The following TAC1 variants were observed in gnomAD, a reference collection of about 807,000 sequenced individuals.
TAC1 encodes tachykinin precursor 1.
A neutral mutation model predicts 21.7 loss-of-function variants in TAC1; 12 were observed. The ratio of observed to expected loss-of-function variants is 0.55; its 90% CI spans 0.35 to 0.89. The LOEUF is 0.89. Among genes scored for constraint, TAC1 ranks in the 40% least tolerant of loss-of-function variants. The probability of loss-of-function intolerance (pLI) is 0.01; values close to 1 mark genes in which losing one functional copy is unlikely to be tolerated. For missense variants in TAC1, 128 were observed against 151.4 expected, an observed-to-expected ratio of 0.85 and a Z score of 0.81; for synonymous variants, 52 against 52.0, an observed-to-expected ratio of 1.00 and a Z score of 0.00.
rs1789600283 is a variant in TAC1 at position 97,737,412 on chromosome 7, G to C, written c.343+1060G>C. On this transcript the variant is annotated intron_variant, in intron 6 of 6. Transcript: ENST00000319273. The stretch of plus-strand genomic sequence containing the variant: ...ATAATTATCCTAGTGTTTTTTAATG[G>C]AGATTTTTTTCTTTATTGTGAAATG... 1.3e-5 allele frequency among the ~76,000 whole-genome samples: 2 copies of C among 151,632 alleles called. 1 individual carries two copies. Among genetic ancestry groups the C allele is most frequent in the Admixed American group, 1.3e-4 (2 of 15,216 alleles).
chr7:97,735,389 T>G (rs1043069009), intron 5 of TAC1, among the ~76,000 whole-genome samples: 2 of 152,166 alleles, frequency 1.3e-5, no homozygotes, highest in Non-Finnish European at 2.9e-5. Flanking sequence ...CCTAATTGAA[T>G]GGGAAAACTC....
At chr7:97,733,978 C>T (rs1278447272) in intron 3 of TAC1, 159 bp downstream of exon 3, 4 of 745,028 alleles carry the variant, frequency 5.4e-6, no homozygotes, top group Non-Finnish European at 8.8e-6. Context: ...CACTAAGGCA[C>T]GCACGGGCCC....
chr7:97,736,226 C>A, intron 5 of TAC1, 73 bp from the exon 6 acceptor site: 1 of 1,289,900 alleles, frequency 7.8e-7, no homozygotes, highest in Non-Finnish European at 1.1e-6. Flanking sequence ...CAGAAGCTTG[C>A]TTTGTTCTGG....
chr7:97,733,435 G>A (rs1278398350), intron 2 of TAC1, among the ~76,000 whole-genome samples: 1 of 152,062 alleles, frequency 6.6e-6, no homozygotes, highest in African/African-American at 2.4e-5. Context: ...CGCAGCAGAT[G>A]AGGGAAGGTC....
Position 97,732,488 on chromosome 7 carries a change from G to T in TAC1, c.-9-116G>T, listed in dbSNP as rs1472190411. On this transcript the variant is annotated intron_variant, in intron 1 of 6. Transcript: ENST00000319273. This position sits in a 1 kb window ranked among gnomAD's most constrained non-coding sequence, Gnocchi z 6.2. Reference sequence around the variant, plus strand: ...GTGAGACTTCAGTCCTTATGTTTTTGATCTTGGTTCATCCGTTGTGGGGCA... The same window carrying T: ...GTGAGACTTCAGTCCTTATGTTTTTTATCTTGGTTCATCCGTTGTGGGGCA... 2.4e-6 allele frequency: 3 copies of T among 1,238,500 alleles called. No homozygotes were observed. The highest frequency in any genetic ancestry group is 2.0e-5 in the Admixed American group (1 of 50,814). 76.7% of individuals were successfully genotyped at this position (1,238,500 alleles called of 1,614,324 possible).
At chr7:97,734,525 G>A (rs137931619) in intron 4 of TAC1, among the ~76,000 whole-genome samples, 169 of 151,506 alleles carry the variant, frequency 1.1e-3, no homozygotes, top group African/African-American at 3.9e-3. Flanking sequence ...CTCAGTGGGT[G>A]GCCAGCCTTG....
intron 4 of TAC1, 91 bp downstream of exon 4, chr7:97,734,383 T>G: frequency 8.7e-7 from 1 of 1,146,486 alleles, no homozygotes; most frequent in Admixed American, 2.0e-5. Flanking sequence ...ATACAAGATC[T>G]GGGTCATGCC....
intron 5 of TAC1, among the ~76,000 whole-genome samples, chr7:97,735,594 G>A (rs1562784744): frequency 6.6e-6 from 1 of 152,114 alleles, no homozygotes; most frequent in Admixed American, 6.5e-5. Context: ...CCACATTAAC[G>A]TAGCAGCTCT....
Position 97,736,378 on chromosome 7 carries a change from TAGAC to T in TAC1, c.343+29_343+32del, listed in dbSNP as rs539105664. The T allele has an allele frequency of 1.7e-4, 262 of 1,573,504 alleles. 1 individual carries two copies. Among genetic ancestry groups the T allele is most frequent in the Middle Eastern group, 1.3e-3 (8 of 5,944 alleles). On this transcript the variant is annotated intron_variant, in intron 6 of 6. Coordinates refer to ENST00000319273, the MANE Select transcript of TAC1 (RefSeq NM_003182.3). ...GTATGTATGAAATTATGACTGAAAA[TAGAC>T]AGTATCTCAAATCTATTTCTATTTT...
intron 6 of TAC1, among the ~76,000 whole-genome samples, chr7:97,739,572 T>G (rs1020516157): frequency 2.6e-5 from 4 of 152,076 alleles, no homozygotes; most frequent in African/African-American, 9.7e-5. Context: ...TATGGGTATC[T>G]GCCACTGCTT....
intron 5 of TAC1, among the ~76,000 whole-genome samples, chr7:97,735,917 A>G (rs1423069035): frequency 2.6e-5 from 4 of 152,152 alleles, no homozygotes; most frequent in African/African-American, 9.6e-5. Flanking sequence ...GAGAAGTACA[A>G]CTTATTAATA....
In TAC1 at chr7:97,732,863, C is replaced by A; in HGVS notation, c.123+128C>A. On this transcript the variant is annotated intron_variant, in intron 2 of 6. Transcript: ENST00000319273. This position sits in a 1 kb window ranked among gnomAD's most constrained non-coding sequence, Gnocchi z 6.2. ...CACGGAAAGAGGCAGCGGTTGCGTG[C>A]GAGAGGATGGAAAGGGGCACTATTT... 3.2e-6 allele frequency: 4 copies of A among 1,252,066 alleles called. No individual in the cohort carries two copies. Among genetic ancestry groups the A allele is most frequent in the Non-Finnish European group, 4.4e-6 (4 of 917,112 alleles). The allele number at this position is 1,252,066 out of a possible 1,614,324, so 77.6% of individuals were successfully genotyped here. A position where few individuals can be genotyped will look rare whatever the true frequency, so the allele number is the denominator to read the frequency against.
chr7:97,736,044 T>C (rs1292821402), intron 5 of TAC1, among the ~76,000 whole-genome samples: 1 of 152,048 alleles, frequency 6.6e-6, no homozygotes, highest in Non-Finnish European at 1.5e-5. Context: ...GACCCTTACA[T>C]AACAGATAAA....
chr7:97,733,465 G>A (rs1789481459), intron 2 of TAC1, among the ~76,000 whole-genome samples: 1 of 152,102 alleles, frequency 6.6e-6, no homozygotes, highest in African/African-American at 2.4e-5. Context: ...GGAGGAAAGA[G>A]CGGAAAGCGC....
rs1274476277 is a variant in TAC1, at chr7:97,732,659, A to G, written c.47A>G (p.Gln16Arg). ...ALAVFFLVST[Q>R]LFAEEIGAND... ...GCAGTCTTTTTTCTTGTCTCCACTC[A>G]GCTGTTTGCAGAAGAAATAGGAGCC... Residue 16 changes from glutamine (Q) to arginine (R), a missense_variant, in exon 2 of 7, where the codon CAG becomes CGG. Physicochemically the swap from Gln to Arg is conservative, Grantham distance 43. Coordinates refer to ENST00000319273, the MANE Select transcript of TAC1 (RefSeq NM_003182.3). The surrounding 1 kb of genome is among the most constrained non-coding windows in gnomAD (Gnocchi z 6.2). 6.2e-7 allele frequency: 1 copy of G among 1,614,026 alleles called. No individual in the cohort carries two copies. Among genetic ancestry groups the G allele is most frequent in the Non-Finnish European group, 8.5e-7 (1 of 1,180,006 alleles).
chr7:97,733,618 T>C, intron 2 of TAC1, 105 bp from the exon 3 acceptor site: 1 of 1,104,262 alleles, frequency 9.1e-7, no homozygotes, highest in Non-Finnish European at 1.3e-6. Flanking sequence ...GAAGGCCGCC[T>C]CCCCACGCCT....
chr7:97,733,681 T>C (rs768647367), intron 2 of TAC1, 42 bp from the exon 3 acceptor site: 8 of 1,604,104 alleles, frequency 5.0e-6, no homozygotes, highest in African/African-American at 1.3e-5. Context: ...TGCCTCGCTC[T>C]GGTTGCCTTA....
chr7:97,738,044 A>G (rs529885047), intron 6 of TAC1, among the ~76,000 whole-genome samples: 11 of 152,148 alleles, frequency 7.2e-5, no homozygotes, highest in Non-Finnish European at 1.5e-4. Flanking sequence ...TTAAGTAGTG[A>G]TAAAAATCAC....
At chr7:97,739,489 A>C (rs1186891318) in intron 6 of TAC1, among the ~76,000 whole-genome samples, 1 of 152,062 alleles carries the variant, frequency 6.6e-6, no homozygotes, top group East Asian at 1.9e-4. Context: ...CTGCTAGAAT[A>C]AAAGTCCCAC....
Sources: gnomAD v4.1 joint callset for allele counts (sites outside exome capture counted in the v4.1 genomes callset) on GRCh38, gnomAD v4.1.1 for gene constraint, Gnocchi (gnomAD v3.1) non-coding constraint, MANE v1.5 for transcripts, NCBI Gene and HGNC (gene_info 2026-07-23, HGNC 2026-07-21) for gene names.